Variants in PAK3 observed in about 807,000 individuals in gnomAD.
The protein encoded by PAK3 is serine/threonine-protein kinase PAK 3.
Under a neutral mutation model 41.0 loss-of-function variants are expected in PAK3, and 4 were observed. That is an observed-to-expected ratio of 0.10 (90% CI 0.05 to 0.22). The LOEUF (loss-of-function observed/expected upper bound fraction) is 0.22. Ranked by LOEUF, PAK3 falls within the 10% of genes least tolerant of loss-of-function variation. PAK3 has a pLI of 1.00. For missense variants in PAK3, 205 were observed against 409.9 expected (o/e 0.50, Z 4.32); for synonymous variants, 146 against 139.6 (o/e 1.05, Z -0.32).
intron 3 of PAK3, among the ~76,000 whole-genome samples, chrX:111,101,131 TAC>T (rs1050097303): frequency 6.2e-5 from 7 of 112,043 alleles, no homozygotes; most frequent in Non-Finnish European, 1.1e-4. Flanking sequence ...CAGGACACTG[TAC>T]ACACACACGA....
chrX:111,071,478 A>G (rs752867970), intron 1 of PAK3, among the ~76,000 whole-genome samples: 2 of 111,931 alleles, frequency 1.8e-5, no homozygotes, highest in South Asian at 7.5e-4. Flanking sequence ...TCACATAATG[A>G]CTACCACATG....
chrX:111,014,241 G>A (rs1377925467), intron 1 of PAK3, among the ~76,000 whole-genome samples: 1 of 111,310 alleles, frequency 9.0e-6, no homozygotes, highest in African/African-American at 3.3e-5. Context: ...AACCATAGTC[G>A]GCTTTCCACT....
At chrX:111,058,375 T>C (rs2092624062) in intron 1 of PAK3, among the ~76,000 whole-genome samples, 1 of 111,786 alleles carries the variant, frequency 8.9e-6, no homozygotes, top group Non-Finnish European at 1.9e-5. Flanking sequence ...GTTAGAGCCA[T>C]GTTAGTGGGC....
chrX:111,185,874 A>G (rs1487139166), intron 11 of PAK3, among the ~76,000 whole-genome samples: 2 of 111,085 alleles, frequency 1.8e-5, no homozygotes, highest in Non-Finnish European at 3.8e-5. Context: ...CCAATGATGA[A>G]TATTGGTGCA....
At chrX:111,175,178 G>C (rs1157193664) in intron 11 of PAK3, among the ~76,000 whole-genome samples, 2 of 111,239 alleles carry the variant, frequency 1.8e-5, no homozygotes, top group Non-Finnish European at 3.8e-5. Flanking sequence ...AGGAAGGGAA[G>C]GGATATTCAA....
intron 1 of PAK3, among the ~76,000 whole-genome samples, chrX:111,073,314 G>T (rs1259538343): frequency 9.0e-6 from 1 of 111,424 alleles, no homozygotes; most frequent in Non-Finnish European, 1.9e-5. Flanking sequence ...ACACCTCAGG[G>T]AACTAGAAAA....
At chrX:110,993,987 A>G (rs2091696896) in intron 1 of PAK3, among the ~76,000 whole-genome samples, 1 of 112,207 alleles carries the variant, frequency 8.9e-6, no homozygotes, top group African/African-American at 3.2e-5. Context: ...TCCTTTGGAA[A>G]CGTCTGTCCT....
chrX:110,997,198 G>A (rs1257141201), intron 1 of PAK3, among the ~76,000 whole-genome samples: 1 of 110,984 alleles, frequency 9.0e-6, no homozygotes, highest in Non-Finnish European at 1.9e-5. Context: ...AATTTAATGG[G>A]GTTGGGGGGG....
At chrX:111,204,878 G>GTTTTTTTTTTTTTTTTTTTTTTCTTTT (rs1163687252) in intron 16 of PAK3, among the ~76,000 whole-genome samples, 1 of 37,671 alleles carries the variant, frequency 2.7e-5, no homozygotes, top group Non-Finnish European at 4.9e-5. Context: ...CCTTTGCTTT[G>GTTTTTTTTTTTTTTTTTTTTTTCTTTT]TTTTTTTTTT....
chrX:111,116,094 C>T (rs912583570), intron 4 of PAK3, among the ~76,000 whole-genome samples: 2 of 110,647 alleles, frequency 1.8e-5, no homozygotes, highest in Non-Finnish European at 1.9e-5. Flanking sequence ...ATCGAGACCC[C>T]CAGAGACTCA....
At chrX:110,987,097 G>A (rs2091557953) in intron 1 of PAK3, among the ~76,000 whole-genome samples, 1 of 111,683 alleles carries the variant, frequency 9.0e-6, no homozygotes, top group Admixed American at 9.5e-5. Flanking sequence ...GGTTTTCTGT[G>A]GGCTCTCAAC....
rs776489291 is a variant in PAK3 at position 111,009,899 on chromosome X, C to T, written c.-28+65271C>T. Among the ~76,000 whole-genome samples the T allele has an allele frequency of 4.5e-5, 5 of 112,066 alleles. No individual in the cohort carries two copies. In the Admixed American group the frequency reaches 4.7e-4, roughly 11 times the overall value. ...GGAAACTAAGGCACAGAGCCAATGG[C>T]TGATTTGTCCAAGAGCAAGTGACAA... On this transcript the variant is annotated intron_variant, in intron 1 of 14. Transcript: ENST00000425146.
At chrX:110,997,167 G>A (rs1420285061) in intron 1 of PAK3, among the ~76,000 whole-genome samples, 2 of 111,061 alleles carry the variant, frequency 1.8e-5, no homozygotes, top group Admixed American at 1.9e-4. Context: ...AAGGGGAAGA[G>A]TGGTAGGTGA....
At chrX:111,038,407 C>T (rs1216214759) in intron 1 of PAK3, among the ~76,000 whole-genome samples, 1 of 112,094 alleles carries the variant, frequency 8.9e-6, no homozygotes, top group East Asian at 2.8e-4. Context: ...GATACCATCC[C>T]CACCCTTCTT....
At chrX:111,006,849 C>CTTTCTTTCTTTCTTTCTTCTT (rs1556434441) in intron 1 of PAK3, among the ~76,000 whole-genome samples, 3 of 42,726 alleles carry the variant, frequency 7.0e-5, no homozygotes, top group Non-Finnish European at 1.3e-4. Flanking sequence ...TTCTTTCTTT[C>CTTTCTTTCTTTCTTTCTTCTT]TTTTTTTTTT....
chrX:111,006,326 T>C (rs1172509239), intron 1 of PAK3, among the ~76,000 whole-genome samples: 1 of 111,893 alleles, frequency 8.9e-6, no homozygotes, highest in Non-Finnish European at 1.9e-5. Flanking sequence ...CGTAAGAGGA[T>C]GTCCTCCTTC....
intron 1 of PAK3, among the ~76,000 whole-genome samples, chrX:111,064,141 A>G (rs900308568): frequency 1.8e-5 from 2 of 112,065 alleles, no homozygotes; most frequent in Non-Finnish European, 3.8e-5. Flanking sequence ...GGTGTTATGT[A>G]TAATTTGGGC....
intron 1 of PAK3, among the ~76,000 whole-genome samples, chrX:110,954,006 T>C (rs1010867018): frequency 8.9e-6 from 1 of 111,957 alleles, no homozygotes; most frequent in Non-Finnish European, 1.9e-5. Context: ...ACTTTTGTTC[T>C]TCTTCCCTTC....
chrX:111,022,954 C>T (rs1002292161), intron 1 of PAK3, among the ~76,000 whole-genome samples: 4 of 110,428 alleles, frequency 3.6e-5, no homozygotes, highest in Admixed American at 2.9e-4. Flanking sequence ...AGGTTTGTTA[C>T]ATAGGTATAC....
Sources: gnomAD v4.1 joint callset for allele counts (sites outside exome capture counted in the v4.1 genomes callset) on GRCh38, gnomAD v4.1.1 for gene constraint, MANE v1.5 for transcripts, NCBI Gene and HGNC (gene_info 2026-07-23, HGNC 2026-07-21) for gene names.